Variants in LRCH3 observed in about 807,000 individuals in gnomAD.
The protein encoded by LRCH3 is DISP complex protein LRCH3.
Under a neutral mutation model 104.5 loss-of-function variants are expected in LRCH3, and 68 were observed. The ratio of observed to expected loss-of-function variants is 0.65; its 90% confidence interval spans 0.54 to 0.80. LRCH3 has a LOEUF of 0.80. LRCH3 is among the 30% of genes least tolerant of loss of function. The pLI is 0.00. For missense variants in LRCH3, 951 were observed against 953.9 expected (o/e 1.00, Z 0.04); for synonymous variants, 344 against 361.3 (o/e 0.95, Z 0.54).
rs1335983908 is a variant in LRCH3 at position 197,843,048 on chromosome 3, G to A, written c.1328+3651G>A. On this transcript the variant is annotated intron_variant, in intron 10 of 20. Coordinates refer to ENST00000425562, the MANE Select transcript of LRCH3 (RefSeq NM_001365715.1). ...TGCAGTGAGCCGAGATTGCACCACT[G>A]CATTCCAGCCTGGGTGACAGAGCAA... Among the ~76,000 whole-genome samples, 3 of 147,976 alleles carry A rather than the reference G, an allele frequency of 2.0e-5. No homozygotes were observed. The Admixed American group carries it at 2.0e-4, about 10-fold the overall frequency.
chr3:197,883,478 A>C lies in LRCH3; in HGVS notation c.2209-63A>C, dbSNP rs999317190. 1 of 1,490,450 alleles carries C rather than the reference A, an allele frequency of 6.7e-7. No homozygotes were observed. The highest frequency in any genetic ancestry group is 2.2e-5 in the Admixed American group (1 of 44,838). The allele number at this position is 1,490,450 out of a possible 1,614,324, so 92.3% of individuals were successfully genotyped here. A position where few individuals can be genotyped will look rare whatever the true frequency, so the allele number is the denominator to read the frequency against. ...GGAGAAGTGCTTATTTTTTCCTTTC[A>C]GTTCTATGATATTCATCCGATTTTC... On this transcript the variant is annotated intron_variant, in intron 20 of 20. Coordinates refer to ENST00000425562, the MANE Select transcript of LRCH3 (RefSeq NM_001365715.1). The surrounding 1 kb of genome is among the most constrained non-coding windows in gnomAD (Gnocchi z 4.2).
chr3:197,848,251 A>T, intron 12 of LRCH3: 1 of 449,192 alleles, frequency 2.2e-6, no homozygotes, highest in East Asian at 3.9e-5. Context: ...TTTACTATCC[A>T]GCTGCCATTT....
chr3:197,800,619 G>T (rs564723142), intron 1 of LRCH3, among the ~76,000 whole-genome samples: 1 of 152,304 alleles, frequency 6.6e-6, no homozygotes, highest in African/African-American at 2.4e-5. Context: ...ATCCAGGAAG[G>T]TTTAAAATAC....
At chr3:197,873,226 A>G (rs1323421504) in intron 19 of LRCH3, among the ~76,000 whole-genome samples, 1 of 152,200 alleles carries the variant, frequency 6.6e-6, no homozygotes, top group African/African-American at 2.4e-5. Context: ...GAACACTATT[A>G]AAGTCTGCAC....
chr3:197,874,667 G>A (rs939554414), intron 19 of LRCH3, among the ~76,000 whole-genome samples: 2 of 152,280 alleles, frequency 1.3e-5, no homozygotes, highest in Admixed American at 1.3e-4. Flanking sequence ...CAAAAAGGTT[G>A]AGGACTGCTG....
At chr3:197,806,005 C>G (rs138953400) in intron 1 of LRCH3, among the ~76,000 whole-genome samples, 2 of 151,956 alleles carry the variant, frequency 1.3e-5, no homozygotes, top group African/African-American at 4.8e-5. Flanking sequence ...TGGCTCACTG[C>G]GACGTCTGCC....
At chr3:197,870,645 C>G (rs112084516) in intron 18 of LRCH3, among the ~76,000 whole-genome samples, 19,119 of 151,882 alleles carry the variant, frequency 0.13, 1,342 homozygotes, top group African/African-American at 0.19. Context: ...GGATGGCAGG[C>G]GTGAGCTTCC....
chr3:197,859,017 T>C (rs936178328), intron 15 of LRCH3, 112 bp downstream of exon 15: 3 of 795,496 alleles, frequency 3.8e-6, no homozygotes, highest in Middle Eastern at 2.4e-4. Flanking sequence ...CGCATAAATA[T>C]ACCTGTTTAT....
rs960169957 is a variant in LRCH3 at position 197,838,194 on chromosome 3, A to G, written c.1252-1127A>G. ...CAGCCACTCGGGAGGCTGAAGTAGG[A>G]AGACTGCTTGAGCCCGGCAGTTTGA... On this transcript the variant is annotated intron_variant, in intron 9 of 20. Coordinates refer to ENST00000425562, the MANE Select transcript of LRCH3 (RefSeq NM_001365715.1). Among the ~76,000 whole-genome samples the G allele has an allele frequency of 1.8e-4, 28 of 152,314 alleles. 1 individual carries two copies. The highest frequency in any genetic ancestry group is 6.2e-4 in the South Asian group (3 of 4,826).
intron 15 of LRCH3, among the ~76,000 whole-genome samples, chr3:197,864,437 G>C (rs1020744183): frequency 6.7e-6 from 1 of 149,236 alleles, no homozygotes; most frequent in Non-Finnish European, 1.5e-5. Flanking sequence ...GAGAAACCCC[G>C]TATCTACTAA....
In LRCH3 at chr3:197,886,524, T is replaced by G. The variant is rs1472900665; in HGVS notation, c.*2858T>G. 1.3e-5 allele frequency: 2 copies of G among 152,234 alleles called. No individual in the cohort carries two copies. Among genetic ancestry groups the G allele is most frequent in the Non-Finnish European group, 2.9e-5 (2 of 68,066 alleles). The allele number at this position is 152,234 out of a possible 1,614,324, so 9.4% of individuals were successfully genotyped here. ...CATTTTTAAACTGTGTTTGTCAACATTAAGCCTCAGTACAGTCTCCAAATT... is the reference window on the plus strand; with the variant it reads ...CATTTTTAAACTGTGTTTGTCAACAGTAAGCCTCAGTACAGTCTCCAAATT... On this transcript the variant is annotated 3_prime_UTR_variant, in exon 21 of 21. Transcript: ENST00000425562.
rs1189349316 is a variant in LRCH3 at position 197,830,786 on chromosome 3, T to G, written c.904T>G (p.Ser302Ala). The G allele has an allele frequency of 1.2e-6, 2 of 1,613,886 alleles. No homozygotes were observed. The highest frequency in any genetic ancestry group is 2.7e-5 in the African/African-American group (2 of 74,918). ...GFGSCHEELY[S>A]SRPYGALDSG... Reference sequence around the variant, plus strand: ...TTTCGGCAGCCATGAAGAACTGTACTCAAGTCGCCCTTATGGAGCCCTTGA... The same window carrying G: ...TTTCGGCAGCCATGAAGAACTGTACGCAAGTCGCCCTTATGGAGCCCTTGA... The change falls in exon 7 of 21, where the codon TCA (serine) becomes GCA (alanine). Residue 302 changes from serine (S) to alanine (A), a missense_variant. By Grantham distance (99) the Ser-to-Ala change is moderately conservative. Coordinates refer to ENST00000425562, the MANE Select transcript of LRCH3 (RefSeq NM_001365715.1).
At chr3:197,798,982 C>T (rs1275376468) in intron 1 of LRCH3, among the ~76,000 whole-genome samples, 1 of 152,152 alleles carries the variant, frequency 6.6e-6, no homozygotes, top group Non-Finnish European at 1.5e-5. Context: ...CTCATCACTG[C>T]AGGAAGTTAG....
At chr3:197,792,604 TAA>T (rs1181043551) in intron 1 of LRCH3, among the ~76,000 whole-genome samples, 5 of 58,524 alleles carry the variant, frequency 8.5e-5, no homozygotes, top group African/African-American at 1.6e-4. Flanking sequence ...TATATATATA[TAA>T]AATATACATA....
At chr3:197,791,627 C>A (rs1730519859) in intron 1 of LRCH3, 87 bp downstream of exon 1, 7 of 1,407,296 alleles carry the variant, frequency 5.0e-6, no homozygotes, top group Non-Finnish European at 6.5e-6. Flanking sequence ...GGGGGAGTTA[C>A]AGCAGCTCGT....
At chr3:197,867,277 G>A (rs1218939035) in intron 17 of LRCH3, among the ~76,000 whole-genome samples, 2 of 152,220 alleles carry the variant, frequency 1.3e-5, no homozygotes, top group Admixed American at 1.3e-4. Flanking sequence ...AAACTGGCCA[G>A]GCATGGTGGC....
intron 11 of LRCH3, among the ~76,000 whole-genome samples, 157 bp downstream of exon 11, chr3:197,847,617 G>C (rs1738925615): frequency 2.0e-4 from 1 of 5,084 alleles, no homozygotes. Context: ...CTTGCTAACA[G>C]TGTTTTTAGA....
At chr3:197,846,219 C>G (rs957157633) in intron 10 of LRCH3, among the ~76,000 whole-genome samples, 2 of 151,858 alleles carry the variant, frequency 1.3e-5, no homozygotes, top group Non-Finnish European at 2.9e-5. Context: ...CCTGGGTTAA[C>G]CTAGCAAAAC....
chr3:197,850,865 A>G, intron 12 of LRCH3: 1 of 965,174 alleles, frequency 1.0e-6, no homozygotes, highest in East Asian at 2.4e-5. Context: ...GAGCAGTTCC[A>G]CGAGTGTTCT....
Sources: gnomAD v4.1 joint callset for allele counts (sites outside exome capture counted in the v4.1 genomes callset) on GRCh38, gnomAD v4.1.1 for gene constraint, Gnocchi (gnomAD v3.1) non-coding constraint, MANE v1.5 for transcripts, NCBI Gene and HGNC (gene_info 2026-07-23, HGNC 2026-07-21) for gene names.